Variants in ABCC9 observed in about 807,000 individuals in gnomAD.
ABCC9 encodes the protein ATP binding cassette subfamily C member 9, also known as ATP-binding cassette sub-family C member 9.
ABCC9 carries 95 observed loss-of-function variants against 188.3 expected under a neutral mutation model. That is an observed-to-expected ratio of 0.50 (90% CI 0.43 to 0.60). The LOEUF (loss-of-function observed/expected upper bound fraction) is 0.60, where lower values mean the gene tolerates loss of function less well. Ranked by LOEUF, ABCC9 falls within the 20% of genes least tolerant of loss-of-function variation. The pLI is 0.00. For synonymous variants in ABCC9, 659 were observed against 652.7 expected (o/e 1.01, Z -0.15); for missense variants, 1,102 against 1,876.3 (o/e 0.59, Z 7.62).
At chr12:21,806,645 T>A (rs1490716495) in intron 38 of ABCC9, among the ~76,000 whole-genome samples, 1 of 152,196 alleles carries the variant, frequency 6.6e-6, no homozygotes, top group African/African-American at 2.4e-5. Context: ...TCTCTCTCTC[T>A]TCTCTGTTGA....
At chr12:21,889,032 A>G (rs1344937932) in intron 14 of ABCC9, among the ~76,000 whole-genome samples, 2 of 152,162 alleles carry the variant, frequency 1.3e-5, no homozygotes, top group Non-Finnish European at 2.9e-5. Context: ...ATTTGAACTT[A>G]TAGTCAAGTT....
chr12:21,928,314 G>A (rs369510884), intron 4 of ABCC9, among the ~76,000 whole-genome samples: 19 of 94,090 alleles, frequency 2.0e-4, no homozygotes, highest in East Asian at 3.3e-4. Context: ...GAGGGTGGGA[G>A]GGAAGGAAGG....
chr12:21,890,962 C>G (rs987205065), intron 14 of ABCC9, among the ~76,000 whole-genome samples: 1 of 151,560 alleles, frequency 6.6e-6, no homozygotes, highest in East Asian at 1.9e-4. Context: ...CTAAAACTTA[C>G]AGTATAATAA....
At chr12:21,934,464 G>C (rs1949409741) in intron 3 of ABCC9, among the ~76,000 whole-genome samples, 2 of 152,050 alleles carry the variant, frequency 1.3e-5, no homozygotes, top group Admixed American at 1.3e-4. Context: ...TTTTCTCAAA[G>C]AAAGCTAAAT....
rs758229885 is a variant in ABCC9, at chr12:21,910,182, G to T, written c.1295C>A (p.Pro432His). 6.2e-7 allele frequency: 1 copy of T among 1,611,024 alleles called. No homozygotes were observed. The highest frequency in any genetic ancestry group is 8.5e-7 in the Non-Finnish European group (1 of 1,178,064). The change falls in exon 10 of 40, where the codon CCC (proline) becomes CAC (histidine). Residue 432 changes from proline to histidine, a missense_variant. This residue lies in a region of ABCC9 where 305 missense variants were observed against 573.0 expected (regional missense o/e 0.53). Transcript: ENST00000261200. ...CTGAACAGGCATAGCCCATAGATTG[G>T]GACACAGGAACAAAAACCACATGAG... ...NQLMWFLFLC[P>H]NLWAMPVQII...
chr12:21,905,091 T>C (rs917508940), intron 12 of ABCC9, among the ~76,000 whole-genome samples: 1 of 152,112 alleles, frequency 6.6e-6, no homozygotes, highest in Admixed American at 6.5e-5. Context: ...TGGAATACTA[T>C]GCAGCCATAA....
At chr12:21,878,121 C>T (rs547343801) in intron 16 of ABCC9, among the ~76,000 whole-genome samples, 1 of 152,132 alleles carries the variant, frequency 6.6e-6, no homozygotes, top group East Asian at 1.9e-4. Context: ...GGATGCAGTT[C>T]CAGGTGGTGA....
chr12:21,812,545 T>C (rs1461504738), intron 35 of ABCC9, among the ~76,000 whole-genome samples: 1 of 152,202 alleles, frequency 6.6e-6, no homozygotes, highest in Non-Finnish European at 1.5e-5. Context: ...TAATGTCCTT[T>C]GCAGGGAAAT....
rs1010458300 is a variant in ABCC9 at position 21,906,118 on chromosome 12, C to T, written c.1618+8G>A. 5.0e-6 allele frequency: 8 copies of T among 1,612,530 alleles called. No individual in the cohort carries two copies. Among genetic ancestry groups the T allele is most frequent in the Non-Finnish European group, 6.8e-6 (8 of 1,178,944 alleles). On this transcript the variant is annotated splice_region_variant and intron_variant, in intron 12 of 39. Coordinates refer to ENST00000261200, the MANE Select transcript of ABCC9 (RefSeq NM_020297.4). ...AAGTCGCCTGTTCTTAGAGCAACAG[C>T]AACTTACTGGAGAGTGATGTATATA...
At position 21,852,505 on chromosome 12, in the gene ABCC9, C is replaced by T. The variant is rs764983816; in HGVS notation, c.2506G>A (p.Asp836Asn). 1.9e-6 allele frequency: 3 copies of T among 1,609,970 alleles called. No individual in the cohort carries two copies. In the South Asian group the frequency reaches 3.3e-5, roughly 18 times the overall value. The change falls in exon 23 of 40, where the codon GAT becomes AAT. Residue 836 changes from aspartate (D) to asparagine (N), a missense_variant and splice_region_variant. Coordinates refer to ENST00000261200, the MANE Select transcript of ABCC9 (RefSeq NM_020297.4). ...ATGTCCAGGGCTGAGAATGGATCAT[C>T]CTGCAATCAGTAAAATGGAGGAAAG... Reference protein sequence around the residue: ...LYQNTNIVFLDDPFSALDIHL... With the variant: ...LYQNTNIVFLNDPFSALDIHL...
intron 35 of ABCC9, 110 bp from the exon 36 acceptor site, chr12:21,812,267 C>A (rs1387538283): frequency 1.4e-5 from 11 of 791,742 alleles, no homozygotes; most frequent in Non-Finnish European, 2.1e-5. Context: ...TTCAGGAGAC[C>A]CACTTTTCCA....
At chr12:21,918,181 G>A (rs941341251) in intron 5 of ABCC9, among the ~76,000 whole-genome samples, 3 of 151,902 alleles carry the variant, frequency 2.0e-5, no homozygotes, top group Non-Finnish European at 4.4e-5. Flanking sequence ...AAACAAAGCC[G>A]ACTTCAAGAC....
Position 21,852,398 on chromosome 12 carries a change from G to A in ABCC9, c.2613C>T (p.His871=), listed in dbSNP as rs373909378. The part of the protein sequence containing the change: ...DDKRTLVLVT[H]KLQYLTHADW... ...CAGCATGCGTCAGATACTGTAATTTGTGAGTCACAAGAACGAGTGTCCTTT... is the reference window on the plus strand; with the variant it reads ...CAGCATGCGTCAGATACTGTAATTTATGAGTCACAAGAACGAGTGTCCTTT... The change falls in exon 23 of 40, where the codon CAC becomes CAT. Residue 871 remains histidine, a synonymous_variant. Transcript: ENST00000261200. The A allele has an allele frequency of 1.9e-6, 3 of 1,613,800 alleles. No homozygotes were observed. The highest frequency in any genetic ancestry group is 2.5e-6 in the Non-Finnish European group (3 of 1,179,984).
At chr12:21,817,691 GAGA>G (rs1315499042) in intron 32 of ABCC9, among the ~76,000 whole-genome samples, 1 of 152,148 alleles carries the variant, frequency 6.6e-6, no homozygotes, top group East Asian at 1.9e-4. Flanking sequence ...CACAAGATCT[GAGA>G]AGTTCTTAAA....
At chr12:21,850,127 C>G (rs1448461849) in intron 24 of ABCC9, among the ~76,000 whole-genome samples, 3 of 150,980 alleles carry the variant, frequency 2.0e-5, no homozygotes, top group Non-Finnish European at 4.4e-5. Flanking sequence ...AGGGTCTGCC[C>G]TGAGCATTGC....
intron 2 of ABCC9, among the ~76,000 whole-genome samples, chr12:21,938,533 A>C (rs556703262): frequency 6.6e-6 from 1 of 152,290 alleles, no homozygotes; most frequent in East Asian, 1.9e-4. Context: ...TGAATTTTTT[A>C]GACTACTTCC....
At position 21,807,478 on chromosome 12, in the gene ABCC9, A is replaced by C. The variant is rs1941935829; in HGVS notation, c.4317T>G (p.Asp1439Glu). 1 of 1,613,792 alleles carries C rather than the reference A, an allele frequency of 6.2e-7. No homozygotes were observed. The highest frequency in any genetic ancestry group is 8.5e-7 in the Non-Finnish European group (1 of 1,179,746). Residue 1439 changes from aspartate (D) to glutamate (E), a missense_variant and splice_region_variant, in exon 38 of 40, where the codon GAT (aspartate) becomes GAG (glutamate). By Grantham distance (45) the Asp-to-Glu change is conservative. Coordinates refer to ENST00000261200, the MANE Select transcript of ABCC9 (RefSeq NM_020297.4). ...TCTCCCCACCTTCAGTGACAACCGC[A>C]TCTAAATCAGAGAAAGAAGCAAGGA... ...NMVKSLPGGL[D>E]AVVTEGGENF...
intron 12 of ABCC9, among the ~76,000 whole-genome samples, chr12:21,904,828 G>T (rs927337923): frequency 6.6e-6 from 1 of 152,224 alleles, no homozygotes; most frequent in South Asian, 2.1e-4. Flanking sequence ...TACACTGTTC[G>T]TGGGACTATA....
chr12:21,828,906 G>A, intron 31 of ABCC9, 52 bp downstream of exon 31: 2 of 1,412,920 alleles, frequency 1.4e-6, no homozygotes, highest in Non-Finnish European at 2.0e-6. Flanking sequence ...CCTCTTTGCA[G>A]CAGGCGTCTT....
Sources: gnomAD v4.1 joint callset for allele counts (sites outside exome capture counted in the v4.1 genomes callset) on GRCh38, gnomAD v4.1.1 for gene constraint, gnomAD v4.1.1 regional missense constraint, MANE v1.5 for transcripts, NCBI Gene and HGNC (gene_info 2026-07-23, HGNC 2026-07-21) for gene names.